ZMAT4: variants seen among roughly 807,000 people sequenced by gnomAD.
ZMAT4 encodes zinc finger matrin-type 4.
ZMAT4 carries 17 observed loss-of-function variants against 28.7 expected under a neutral mutation model. The ratio of observed to expected loss-of-function variants is 0.59; its 90% CI spans 0.41 to 0.89. The LOEUF is 0.89. ZMAT4 is among the 40% of genes least tolerant of loss of function. The pLI is 0.00. For synonymous variants in ZMAT4, 117 were observed against 109.2 expected, an observed-to-expected ratio of 1.07 and a Z score of -0.44; for missense variants, 240 against 283.8, an observed-to-expected ratio of 0.85 and a Z score of 1.11.
intron 3 of ZMAT4, among the ~76,000 whole-genome samples, chr8:40,727,695 A>T (rs11785188): frequency 0.062 from 9,505 of 152,308 alleles, 373 homozygotes; most frequent in Middle Eastern, 0.088. Flanking sequence ...GTTATAATCC[A>T]TGTATAAAGT....
chr8:40,542,724 T>C (rs2118386009), intron 6 of ZMAT4, among the ~76,000 whole-genome samples: 1 of 152,288 alleles, frequency 6.6e-6, no homozygotes, highest in Non-Finnish European at 1.5e-5. Context: ...TTGATAATAA[T>C]TATACTATCG....
intron 5 of ZMAT4, among the ~76,000 whole-genome samples, chr8:40,640,258 G>T (rs1477092926): frequency 3.3e-5 from 5 of 152,182 alleles, no homozygotes; most frequent in East Asian, 1.9e-4. Flanking sequence ...GATTACAGGT[G>T]TGAACCACAG....
chr8:40,666,423 T>G (rs1009485451), intron 5 of ZMAT4, among the ~76,000 whole-genome samples: 1 of 152,140 alleles, frequency 6.6e-6, no homozygotes, highest in African/African-American at 2.4e-5. Flanking sequence ...TCATTTATAA[T>G]TCTTTGTTAA....
At chr8:40,776,027 T>C (rs1166174219) in intron 2 of ZMAT4, among the ~76,000 whole-genome samples, 1 of 152,210 alleles carries the variant, frequency 6.6e-6, no homozygotes, top group African/African-American at 2.4e-5. Flanking sequence ...ACCTTGATCA[T>C]GGACTTCTAG....
chr8:40,741,793 T>C (rs1001493700), intron 3 of ZMAT4, among the ~76,000 whole-genome samples: 5 of 152,036 alleles, frequency 3.3e-5, no homozygotes, highest in Admixed American at 1.3e-4. Flanking sequence ...ACAAAAATAA[T>C]AGCGAAAAGT....
intron 2 of ZMAT4, among the ~76,000 whole-genome samples, chr8:40,810,630 A>G (rs1256113700): frequency 2.6e-5 from 4 of 152,208 alleles, no homozygotes; most frequent in Admixed American, 6.5e-5. Context: ...TAATTATAGT[A>G]TACTTAATAT....
intron 6 of ZMAT4, among the ~76,000 whole-genome samples, chr8:40,554,699 T>C (rs1803474785): frequency 6.6e-6 from 1 of 152,174 alleles, no homozygotes; most frequent in Non-Finnish European, 1.5e-5. Context: ...GTATTTTACA[T>C]ATTTATGGAG....
chr8:40,533,581 G>A (rs1323863696), intron 6 of ZMAT4, among the ~76,000 whole-genome samples: 1 of 152,142 alleles, frequency 6.6e-6, no homozygotes. Context: ...CACTCACCTA[G>A]AAACACAGAG....
At chr8:40,773,853 GA>G (rs906528061) in intron 2 of ZMAT4, among the ~76,000 whole-genome samples, 20 of 146,544 alleles carry the variant, frequency 1.4e-4, no homozygotes, top group East Asian at 5.9e-4. Flanking sequence ...AGTAAAATGA[GA>G]AAAAAAAAGA....
intron 5 of ZMAT4, among the ~76,000 whole-genome samples, chr8:40,635,593 T>C (rs1024529545): frequency 2.0e-5 from 3 of 152,212 alleles, no homozygotes; most frequent in African/African-American, 7.2e-5. Flanking sequence ...GTACAATAAA[T>C]ATGTATTTTA....
intron 3 of ZMAT4, among the ~76,000 whole-genome samples, chr8:40,723,622 C>A (rs186152632): frequency 6.9e-6 from 1 of 145,726 alleles, no homozygotes; most frequent in East Asian, 2.1e-4. Context: ...TAAATTAATT[C>A]TAAATTAATG....
At chr8:40,557,038 C>G (rs957579502) in intron 6 of ZMAT4, among the ~76,000 whole-genome samples, 8 of 152,270 alleles carry the variant, frequency 5.3e-5, no homozygotes, top group African/African-American at 1.9e-4. Flanking sequence ...CCCTCTACCT[C>G]CATGAGATCA....
chr8:40,623,156 T>C (rs1806256800), intron 5 of ZMAT4, among the ~76,000 whole-genome samples: 1 of 151,932 alleles, frequency 6.6e-6, no homozygotes, highest in Non-Finnish European at 1.5e-5. Flanking sequence ...AAAATGAAGA[T>C]GGAAAAATGG....
At chr8:40,868,576 T>C (rs952970958) in intron 1 of ZMAT4, among the ~76,000 whole-genome samples, 4 of 152,084 alleles carry the variant, frequency 2.6e-5, no homozygotes, top group Non-Finnish European at 5.9e-5. Context: ...TGGCAGCCAA[T>C]ACAAGAAAAC....
intron 1 of ZMAT4, among the ~76,000 whole-genome samples, chr8:40,894,078 C>T (rs1053323730): frequency 2.6e-5 from 4 of 152,248 alleles, no homozygotes; most frequent in Non-Finnish European, 4.4e-5. Context: ...AGGCAAATTT[C>T]CCTGCATGCT....
In ZMAT4 at chr8:40,710,884, G is replaced by A. The variant is rs554652030; in HGVS notation, c.193-13483C>T. ...CAACCTCCACCTCCCGGGTTCAAGC[G>A]ATTCTCCTGCCTCAGCCTCCTGAGT... On this transcript the variant is annotated intron_variant, in intron 3 of 6. Transcript: ENST00000297737. 2.6e-5 allele frequency among the ~76,000 whole-genome samples: 4 copies of A among 152,072 alleles called. No individual in the cohort carries two copies. In the South Asian group the frequency reaches 8.3e-4, roughly 32 times the overall value.
At chr8:40,672,264 C>G (rs562472665) in intron 5 of ZMAT4, among the ~76,000 whole-genome samples, 45 of 152,036 alleles carry the variant, frequency 3.0e-4, no homozygotes, top group African/African-American at 1.1e-3. Context: ...GCATTTTTGC[C>G]TTTATTAATT....
chr8:40,699,257 G>C (rs1810027174), intron 3 of ZMAT4, among the ~76,000 whole-genome samples: 1 of 152,132 alleles, frequency 6.6e-6, no homozygotes, highest in South Asian at 2.1e-4. Flanking sequence ...AGAGGAATGA[G>C]AGACCAAACT....
At chr8:40,734,414 G>A (rs1811672847) in intron 3 of ZMAT4, among the ~76,000 whole-genome samples, 2 of 152,198 alleles carry the variant, frequency 1.3e-5, no homozygotes, top group South Asian at 2.1e-4. Context: ...TTGACTTCGT[G>A]AGACTTTACA....
Sources: gnomAD v4.1 joint callset for allele counts (sites outside exome capture counted in the v4.1 genomes callset) on GRCh38, gnomAD v4.1.1 for gene constraint, MANE v1.5 for transcripts, NCBI Gene and HGNC (gene_info 2026-07-23, HGNC 2026-07-21) for gene names.